The following SLC44A1 variants were observed in gnomAD, a reference collection of about 807,000 sequenced individuals.
The protein encoded by SLC44A1 is choline transporter-like protein 1.
Under a neutral mutation model 79.3 loss-of-function variants are expected in SLC44A1, and 26 were observed. The ratio of observed to expected loss-of-function variants is 0.33; its 90% CI spans 0.24 to 0.46. The LOEUF (loss-of-function observed/expected upper bound fraction) is 0.46, where lower values mean the gene tolerates loss of function less well. Among genes scored for constraint, SLC44A1 ranks in the 20% least tolerant of loss-of-function variants. The probability of loss-of-function intolerance (pLI) is 1.00; values close to 1 mark genes in which losing one functional copy is unlikely to be tolerated. For missense variants in SLC44A1, 688 were observed against 798.1 expected, an observed-to-expected ratio of 0.86 and a Z score of 1.66; for synonymous variants, 263 against 286.2, an observed-to-expected ratio of 0.92 and a Z score of 0.82.
rs1045057821 is a variant in SLC44A1, at chr9:105,362,894, G to T, written c.974G>T (p.Gly325Val). Residue 325 changes from glycine to valine, a missense_variant, in exon 9 of 16, where the codon GGC (glycine) becomes GTC (valine). Gly to Val is a moderately radical substitution (Grantham distance 109). Coordinates refer to ENST00000374720, the MANE Select transcript of SLC44A1 (RefSeq NM_080546.5). The part of the protein sequence containing the change: ...ALTIALFHVA[G>V]KVFIHLPLLV... ...ACCATCGCCTTGTTCCACGTAGCTG[G>T]CAAGGTCTTCATTCACTTGCCACTG... 3.1e-6 allele frequency: 5 copies of T among 1,613,708 alleles called. No homozygotes were observed. In the South Asian group the frequency reaches 5.5e-5, roughly 18 times the overall value.
chr9:105,262,926 T>C (rs1173642132), intron 1 of SLC44A1, among the ~76,000 whole-genome samples: 1 of 152,230 alleles, frequency 6.6e-6, no homozygotes, highest in Non-Finnish European at 1.5e-5. Flanking sequence ...TGTAAATATA[T>C]TTAAGACTTT....
chr9:105,285,122 G>A (rs760691152), intron 1 of SLC44A1, among the ~76,000 whole-genome samples: 1 of 152,088 alleles, frequency 6.6e-6, no homozygotes, highest in Non-Finnish European at 1.5e-5. Flanking sequence ...TATATTCTAT[G>A]GCATGGATGT....
At chr9:105,346,770 G>T (rs533464591) in intron 4 of SLC44A1, among the ~76,000 whole-genome samples, 1 of 152,168 alleles carries the variant, frequency 6.6e-6, no homozygotes, top group South Asian at 2.1e-4. Flanking sequence ...TCATTAAAAT[G>T]GAAAAGAATA....
At chr9:105,261,775 CTTTTTTT>C (rs35530318) in intron 1 of SLC44A1, among the ~76,000 whole-genome samples, 137 of 111,696 alleles carry the variant, frequency 1.2e-3, no homozygotes, top group African/African-American at 4.2e-3. Context: ...CTCTCTCTCT[CTTTTTTT>C]TTTTTTTTTT....
chr9:105,305,843 C>CT (rs748755778), intron 2 of SLC44A1, among the ~76,000 whole-genome samples: 7,114 of 84,842 alleles, frequency 0.084, 400 homozygotes, highest in African/African-American at 0.26. Context: ...AAAGTGTGTC[C>CT]TTTTTTTTTT....
chr9:105,267,143 G>A (rs1829980631), intron 1 of SLC44A1, among the ~76,000 whole-genome samples: 2 of 152,172 alleles, frequency 1.3e-5, no homozygotes, highest in African/African-American at 4.8e-5. Flanking sequence ...TGTAATAGTT[G>A]AGTGGATACA....
chr9:105,298,337 T>C (rs994579149), intron 1 of SLC44A1, among the ~76,000 whole-genome samples: 6 of 147,066 alleles, frequency 4.1e-5, no homozygotes, highest in Middle Eastern at 3.4e-3. Context: ...ATCCCGTTTT[T>C]GTTGTTGTTG....
intron 5 of SLC44A1, among the ~76,000 whole-genome samples, chr9:105,351,594 AAGAGAAAGAAAGAAAGAAAGAAAGAAAG>A (rs1827426438): frequency 3.7e-5 from 4 of 107,812 alleles, no homozygotes; most frequent in African/African-American, 1.7e-4. Flanking sequence ...GAAAGAGAGA[AAGAGAAAGAAAGAAAGAAAGAAAGAAAG>A]AGAGAGAAAG....
chr9:105,422,001 T>C (rs1829257822), intron 15 of SLC44A1, among the ~76,000 whole-genome samples: 1 of 152,224 alleles, frequency 6.6e-6, no homozygotes, highest in Non-Finnish European at 1.5e-5. Flanking sequence ...ACTACAGTAC[T>C]GAGCATACTC....
At chr9:105,316,658 A>G (rs1213064104) in intron 3 of SLC44A1, among the ~76,000 whole-genome samples, 1 of 152,214 alleles carries the variant, frequency 6.6e-6, no homozygotes, top group Non-Finnish European at 1.5e-5. Context: ...GACAAAATAC[A>G]TAGAGAAATT....
chr9:105,336,861 G>C (rs1386143237), intron 4 of SLC44A1, among the ~76,000 whole-genome samples: 1 of 152,186 alleles, frequency 6.6e-6, no homozygotes, highest in East Asian at 1.9e-4. Flanking sequence ...AGTGCTGACT[G>C]TCACTGACTG....
rs1564393341 is a variant in SLC44A1, at chr9:105,244,694, G to C, written c.-175G>C. Reference sequence around the variant, plus strand: ...GCCGCCGCCGGGGGATGTGGCCGGCGCCTGCCTCTAGCCGCGCCGCCTCTT... The same window carrying C: ...GCCGCCGCCGGGGGATGTGGCCGGCCCCTGCCTCTAGCCGCGCCGCCTCTT... On this transcript the variant is annotated 5_prime_UTR_variant, in exon 1 of 16. Coordinates refer to ENST00000374720, the MANE Select transcript of SLC44A1 (RefSeq NM_080546.5). The C allele has an allele frequency of 6.6e-6, 2 of 301,634 alleles. No homozygotes were observed. Among genetic ancestry groups the C allele is most frequent in the Non-Finnish European group, 1.2e-5 (2 of 166,446 alleles). The allele number at this position is 301,634 out of a possible 1,614,324, so 18.7% of individuals were successfully genotyped here. A position where few individuals can be genotyped will look rare whatever the true frequency, so the allele number is the denominator to read the frequency against.
At chr9:105,326,758 T>C (rs1054441665) in intron 3 of SLC44A1, among the ~76,000 whole-genome samples, 9 of 152,334 alleles carry the variant, frequency 5.9e-5, no homozygotes, top group Non-Finnish European at 1.2e-4. Flanking sequence ...ACACTGACTT[T>C]GGTGATCTCA....
chr9:105,342,258 A>G (rs999739245), intron 4 of SLC44A1, among the ~76,000 whole-genome samples: 1 of 152,218 alleles, frequency 6.6e-6, no homozygotes, highest in African/African-American at 2.4e-5. Context: ...GCTTAGTAGC[A>G]TGATGAAATC....
At chr9:105,287,586 T>C (rs745823444) in intron 1 of SLC44A1, among the ~76,000 whole-genome samples, 1 of 152,194 alleles carries the variant, frequency 6.6e-6, no homozygotes, top group Non-Finnish European at 1.5e-5. Flanking sequence ...GACATAACAA[T>C]GATTTAGGGC....
chr9:105,331,675 G>T lies in SLC44A1; in HGVS notation c.270-3888G>T, dbSNP rs545753193. Among the ~76,000 whole-genome samples, 5 of 152,314 alleles carry T rather than the reference G, an allele frequency of 3.3e-5. No individual in the cohort carries two copies. The South Asian group carries it at 6.2e-4, about 19-fold the overall frequency. On this transcript the variant is annotated intron_variant, in intron 3 of 15. Transcript: ENST00000374720. Reference sequence around the variant, plus strand: ...TTAAAGTATAATTACTTTTAAGCATGTTGCCATGGATTGGATGAACTTCAG... The same window carrying T: ...TTAAAGTATAATTACTTTTAAGCATTTTGCCATGGATTGGATGAACTTCAG...
intron 1 of SLC44A1, among the ~76,000 whole-genome samples, chr9:105,281,126 G>T (rs564654963): frequency 1.3e-5 from 2 of 152,354 alleles, no homozygotes; most frequent in Admixed American, 6.5e-5. Flanking sequence ...CCTTGAGGGA[G>T]CTGGACCTGT....
intron 1 of SLC44A1, among the ~76,000 whole-genome samples, chr9:105,260,749 C>T (rs1829820714): frequency 6.6e-6 from 1 of 152,172 alleles, no homozygotes; most frequent in African/African-American, 2.4e-5. Context: ...GCTGGGCCAA[C>T]AGCAAGAAGG....
chr9:105,370,861 A>G (rs1420891196), intron 12 of SLC44A1, among the ~76,000 whole-genome samples: 1 of 152,172 alleles, frequency 6.6e-6, no homozygotes, highest in East Asian at 1.9e-4. Context: ...GTTGATTTAA[A>G]TGGGTTGTCC....
Sources: gnomAD v4.1 joint callset for allele counts (sites outside exome capture counted in the v4.1 genomes callset) on GRCh38, gnomAD v4.1.1 for gene constraint, MANE v1.5 for transcripts, NCBI Gene and HGNC (gene_info 2026-07-23, HGNC 2026-07-21) for gene names.